Variants in WDR25 observed in about 807,000 individuals in gnomAD.
WDR25 encodes the protein WD repeat domain 25.
A neutral mutation model predicts 47.7 loss-of-function variants in WDR25; 35 were observed. The ratio of observed to expected loss-of-function variants is 0.73; its 90% CI spans 0.56 to 0.97. The LOEUF is 0.97. Ranked by LOEUF, WDR25 falls within the 50% of genes least tolerant of loss-of-function variation. The pLI is 0.00. For synonymous variants in WDR25, 248 were observed against 278.9 expected (o/e 0.89, Z 1.10); for missense variants, 634 against 704.7 (o/e 0.90, Z 1.14).
rs578003861 is a variant in WDR25, at chr14:100,430,485, A to G, written c.823-37536A>G. Among the ~76,000 whole-genome samples, 1 of 152,322 alleles carries G rather than the reference A, an allele frequency of 6.6e-6. No homozygotes were observed. The highest frequency in any genetic ancestry group is 2.1e-4 in the South Asian group (1 of 4,828). ...GCAAGGAGAGTGTTTTATCATCAGC[A>G]CGTCAGATGGCGCCTGGCACAAAGT... On this transcript the variant is annotated intron_variant, in intron 2 of 6. Coordinates refer to ENST00000402312, the MANE Select transcript of WDR25 (RefSeq NM_001161476.3). The surrounding 1 kb of genome is among the most constrained non-coding windows in gnomAD (Gnocchi z 4.7).
At chr14:100,462,681 A>G (rs1899455305) in intron 2 of WDR25, among the ~76,000 whole-genome samples, 1 of 152,186 alleles carries the variant, frequency 6.6e-6, no homozygotes, top group Non-Finnish European at 1.5e-5. Context: ...CAAGAATTCA[A>G]ACATTCCAGT....
chr14:100,513,939 T>C (rs894684877), intron 4 of WDR25, among the ~76,000 whole-genome samples: 1 of 119,382 alleles, frequency 8.4e-6, no homozygotes, highest in Non-Finnish European at 1.6e-5. Context: ...TCTTTTTTAC[T>C]TTTTTTTTTT....
Position 100,440,159 on chromosome 14 carries a change from G to A in WDR25, c.823-27862G>A, listed in dbSNP as rs1424264547. On this transcript the variant is annotated intron_variant, in intron 2 of 6. Coordinates refer to ENST00000402312, the MANE Select transcript of WDR25 (RefSeq NM_001161476.3). This position sits in a 1 kb window ranked among gnomAD's most constrained non-coding sequence, Gnocchi z 4.4. Reference sequence around the variant, plus strand: ...ATTTCAGAACATTTGGAGTAGTCCTGGGGTGGAAAGCAGCGTTTTCCTTTT... The same window carrying A: ...ATTTCAGAACATTTGGAGTAGTCCTAGGGTGGAAAGCAGCGTTTTCCTTTT... 1.3e-5 allele frequency among the ~76,000 whole-genome samples: 2 copies of A among 152,214 alleles called. No individual in the cohort carries two copies. Among genetic ancestry groups the A allele is most frequent in the Non-Finnish European group, 2.9e-5 (2 of 68,048 alleles).
At chr14:100,444,805 C>A (rs564131094) in intron 2 of WDR25, among the ~76,000 whole-genome samples, 1 of 152,212 alleles carries the variant, frequency 6.6e-6, no homozygotes, top group East Asian at 1.9e-4. Flanking sequence ...ACCGACACTG[C>A]GCTCTCTTGG....
At chr14:100,470,575 C>G (rs186641016) in intron 3 of WDR25, among the ~76,000 whole-genome samples, 10 of 152,286 alleles carry the variant, frequency 6.6e-5, no homozygotes, top group African/African-American at 2.4e-4. Context: ...TCTGATGAGT[C>G]AGGGACTGCC....
intron 2 of WDR25, among the ~76,000 whole-genome samples, chr14:100,388,613 C>T (rs997013879): frequency 6.6e-6 from 1 of 152,174 alleles, no homozygotes; most frequent in Non-Finnish European, 1.5e-5. Flanking sequence ...GTTTTTTTGA[C>T]ACTCCTCCTC....
At position 100,381,091 on chromosome 14, in the gene WDR25, A is replaced by G; in HGVS notation, c.167A>G (p.Asp56Gly). ...CAGGATTTTGCATCTGGTACACTGGATGTGCCCAAAGCAGGGGCACAGCCC... is the reference window on the plus strand; with the variant it reads ...CAGGATTTTGCATCTGGTACACTGGGTGTGCCCAAAGCAGGGGCACAGCCC... ...PGQDFASGTL[D>G]VPKAGAQPTK... The change falls in exon 2 of 7, where the codon GAT (aspartate) becomes GGT (glycine). Residue 56 changes from aspartate to glycine, a missense_variant. Transcript: ENST00000402312. 6.2e-7 allele frequency: 1 copy of G among 1,614,218 alleles called. No individual in the cohort carries two copies. The highest frequency in any genetic ancestry group is 8.5e-7 in the Non-Finnish European group (1 of 1,180,036).
chr14:100,479,755 T>C (rs1016982545), intron 3 of WDR25, among the ~76,000 whole-genome samples: 3 of 152,162 alleles, frequency 2.0e-5, no homozygotes, highest in Admixed American at 2.0e-4. Flanking sequence ...CCATAGCCTG[T>C]TAGGAACCAG....
chr14:100,425,293 G>A lies in WDR25; in HGVS notation c.823-42728G>A, dbSNP rs73343599. On this transcript the variant is annotated intron_variant, in intron 2 of 6. Transcript: ENST00000402312. The surrounding 1 kb of genome is among the most constrained non-coding windows in gnomAD (Gnocchi z 4.8). ...TCCTGTCACCCCATGGGCCTAAGCT[G>A]TAACGGGGCAGGGCTGTCACTTGCA... 4.1e-3 allele frequency among the ~76,000 whole-genome samples: 629 copies of A among 152,316 alleles called. 4 individuals carry two copies. The highest frequency in any genetic ancestry group is 0.014 in the African/African-American group (581 of 41,564).
Position 100,468,310 on chromosome 14 carries a change from G to C in WDR25, c.970+142G>C. 1 of 1,280,564 alleles carries C rather than the reference G, an allele frequency of 7.8e-7. No homozygotes were observed. Among genetic ancestry groups the C allele is most frequent in the Non-Finnish European group, 1.1e-6 (1 of 945,034 alleles). 79.3% of individuals were successfully genotyped at this position (1,280,564 alleles called of 1,614,324 possible). On this transcript the variant is annotated intron_variant, in intron 3 of 6. Coordinates refer to ENST00000402312, the MANE Select transcript of WDR25 (RefSeq NM_001161476.3). This position sits in a 1 kb window ranked among gnomAD's most constrained non-coding sequence, Gnocchi z 4.5. ...CTCAGGGTGGGCTCGTGCTCGGTGA[G>C]AGGGCTTCCAGACTGCTTGCCCATT...
rs140582586 is a variant in WDR25, at chr14:100,440,396, C to T, written c.823-27625C>T. ...GCGCCAGACACCTGGCTTTGAGTCC[C>T]GTGGAGGCATGCCACTTAGTCTGTT... is the stretch of plus-strand genomic sequence containing the variant. On this transcript the variant is annotated intron_variant, in intron 2 of 6. Transcript: ENST00000402312. This position sits in a 1 kb window ranked among gnomAD's most constrained non-coding sequence, Gnocchi z 4.4. 5.0e-3 allele frequency among the ~76,000 whole-genome samples: 760 copies of T among 152,346 alleles called. 6 individuals carry two copies. Among genetic ancestry groups the T allele is most frequent in the African/African-American group, 0.017 (686 of 41,570 alleles).
At chr14:100,417,770 T>G (rs1358239101) in intron 2 of WDR25, among the ~76,000 whole-genome samples, 6 of 152,220 alleles carry the variant, frequency 3.9e-5, no homozygotes, top group African/African-American at 1.2e-4. Context: ...CATCGCATTT[T>G]CTGCCTGACT....
rs1286035562 is a variant in WDR25 at position 100,430,920 on chromosome 14, C to A, written c.823-37101C>A. ...AGAGGTGTCCTCTGGCCTCAGCCTGCAGGAATAAATCGCTGGTGAAGGGCT... is the reference window on the plus strand; with the variant it reads ...AGAGGTGTCCTCTGGCCTCAGCCTGAAGGAATAAATCGCTGGTGAAGGGCT... On this transcript the variant is annotated intron_variant, in intron 2 of 6. Coordinates refer to ENST00000402312, the MANE Select transcript of WDR25 (RefSeq NM_001161476.3). The surrounding 1 kb of genome is among the most constrained non-coding windows in gnomAD (Gnocchi z 4.7). Among the ~76,000 whole-genome samples, 2 of 152,174 alleles carry A rather than the reference C, an allele frequency of 1.3e-5. No homozygotes were observed. Among genetic ancestry groups the A allele is most frequent in the Non-Finnish European group, 2.9e-5 (2 of 68,014 alleles).
chr14:100,376,618 T>G, intron 1 of WDR25, 123 bp downstream of exon 1: 1 of 1,231,978 alleles, frequency 8.1e-7, no homozygotes, highest in Non-Finnish European at 1.0e-6. Flanking sequence ...TCCTGTTCCT[T>G]CAGAAAGCGC....
At chr14:100,479,344 A>G (rs1274345479) in intron 3 of WDR25, among the ~76,000 whole-genome samples, 1 of 152,176 alleles carries the variant, frequency 6.6e-6, no homozygotes, top group East Asian at 1.9e-4. Context: ...GTAGCTTAAA[A>G]GGTGGGGTTT....
intron 2 of WDR25, among the ~76,000 whole-genome samples, chr14:100,461,024 G>T (rs1446189390): frequency 6.6e-6 from 1 of 152,062 alleles, no homozygotes; most frequent in Non-Finnish European, 1.5e-5. Context: ...ACCAGCTTGG[G>T]CAACATAGTG....
rs1388423354 is a variant in WDR25 at position 100,430,551 on chromosome 14, G to A, written c.823-37470G>A. ...GGGTGTTGGATTTAATTAAAATAAC[G>A]GCTAGTCTTGATGTGCAAAATGGCT... is the stretch of plus-strand genomic sequence containing the variant. On this transcript the variant is annotated intron_variant, in intron 2 of 6. Transcript: ENST00000402312. This position sits in a 1 kb window ranked among gnomAD's most constrained non-coding sequence, Gnocchi z 4.7. 2.0e-5 allele frequency among the ~76,000 whole-genome samples: 3 copies of A among 152,146 alleles called. No individual in the cohort carries two copies. The highest frequency in any genetic ancestry group is 6.5e-5 in the Admixed American group (1 of 15,280).
chr14:100,446,244 G>A (rs1333461342), intron 2 of WDR25, among the ~76,000 whole-genome samples: 2 of 152,162 alleles, frequency 1.3e-5, no homozygotes, highest in African/African-American at 4.8e-5. Flanking sequence ...TAGCATTGTT[G>A]ATGTTGATGA....
intron 4 of WDR25, among the ~76,000 whole-genome samples, chr14:100,515,808 T>C (rs1483562118): frequency 7.0e-6 from 1 of 143,738 alleles, no homozygotes; most frequent in Non-Finnish European, 1.5e-5. Flanking sequence ...TTTTTTTTTT[T>C]TGTATTTTTA....
Sources: gnomAD v4.1 joint callset for allele counts (sites outside exome capture counted in the v4.1 genomes callset) on GRCh38, gnomAD v4.1.1 for gene constraint, Gnocchi (gnomAD v3.1) non-coding constraint, MANE v1.5 for transcripts, NCBI Gene and HGNC (gene_info 2026-07-23, HGNC 2026-07-21) for gene names.